The following ZMYND12 variants were observed in gnomAD, a reference collection of about 807,000 sequenced individuals.
The protein encoded by ZMYND12 is zinc finger MYND-type containing 12, also known as zinc finger MYND domain-containing protein 12.
Under a neutral mutation model 41.7 loss-of-function variants are expected in ZMYND12, and 32 were observed. The ratio of observed to expected loss-of-function variants is 0.77; its 90% CI spans 0.58 to 1.03. The LOEUF (loss-of-function observed/expected upper bound fraction) is 1.03, where lower values mean the gene tolerates loss of function less well. Ranked by LOEUF, ZMYND12 falls within the 50% of genes least tolerant of loss-of-function variation. The probability of loss-of-function intolerance (pLI) is 0.00; values close to 1 mark genes in which losing one functional copy is unlikely to be tolerated. For missense variants in ZMYND12, 424 were observed against 438.5 expected (o/e 0.97, Z 0.30); for synonymous variants, 148 against 164.8 (o/e 0.90, Z 0.78).
rs1269618030 is a variant in ZMYND12, at chr1:42,440,025, C to G, written c.425G>C (p.Gly142Ala). ...AYLLLAEASL[G>A]LGRIVQAEEY... ...TTCAGCCTGAACGATTCGGCCCAGA[C>G]CTGCCCAAAAGCAGAAAAGAAGGTT... The change falls in exon 4 of 8, where the codon GGT becomes GCT. Residue 142 changes from glycine to alanine, a missense_variant and splice_region_variant. Physicochemically the swap from Gly to Ala is moderately conservative, Grantham distance 60. Transcript: ENST00000372565. 1.3e-5 allele frequency: 21 copies of G among 1,595,444 alleles called. No individual in the cohort carries two copies. The highest frequency in any genetic ancestry group is 1.7e-5 in the Non-Finnish European group (20 of 1,174,148).
At chr1:42,430,925 T>C (rs1642842271) in intron 7 of ZMYND12, 67 bp from the exon 8 acceptor site, 9 of 1,593,844 alleles carry the variant, frequency 5.6e-6, no homozygotes, top group Non-Finnish European at 7.7e-6. Flanking sequence ...AAGCCCCATC[T>C]GTGCTCAACT....
intron 1 of ZMYND12, 23 bp from the exon 2 acceptor site, chr1:42,450,082 T>C (rs11210647): frequency 0.38 from 607,814 of 1,608,350 alleles, 118,560 homozygotes; most frequent in East Asian, 0.54. Context: ...ACATAGACTT[T>C]ATGATCTTTA....
intron 7 of ZMYND12, among the ~76,000 whole-genome samples, chr1:42,432,371 T>C (rs765407286): frequency 6.6e-6 from 1 of 152,158 alleles, no homozygotes; most frequent in Non-Finnish European, 1.5e-5. Flanking sequence ...TAGTTTTCTT[T>C]ATAACAGTTT....
At chr1:42,446,378 C>A (rs994158580) in intron 3 of ZMYND12, among the ~76,000 whole-genome samples, 3 of 152,070 alleles carry the variant, frequency 2.0e-5, no homozygotes, top group African/African-American at 7.2e-5. Flanking sequence ...TAGATACAGG[C>A]CAGACACGGT....
intron 7 of ZMYND12, among the ~76,000 whole-genome samples, chr1:42,431,720 C>T (rs138452120): frequency 5.3e-4 from 81 of 152,244 alleles, no homozygotes; most frequent in African/African-American, 1.9e-3. Flanking sequence ...AGGTTTTGTC[C>T]AATGTAAATT....
chr1:42,432,925 G>C, intron 7 of ZMYND12: 1 of 536,378 alleles, frequency 1.9e-6, no homozygotes, highest in Non-Finnish European at 3.2e-6. Context: ...CTTTATCTAT[G>C]CAAGACTGGG....
At chr1:42,441,660 G>A (rs971710698) in intron 3 of ZMYND12, among the ~76,000 whole-genome samples, 8 of 151,624 alleles carry the variant, frequency 5.3e-5, no homozygotes, top group South Asian at 2.1e-4. Context: ...TTGCTCTGTC[G>A]CCCAGGCTGG....
intron 6 of ZMYND12, among the ~76,000 whole-genome samples, chr1:42,434,926 C>T (rs1449085175): frequency 2.0e-5 from 3 of 152,166 alleles, no homozygotes; most frequent in East Asian, 1.9e-4. Context: ...TTCCATGAAA[C>T]GGGTCCCTGG....
chr1:42,438,231 T>C (rs1642928717), intron 4 of ZMYND12, among the ~76,000 whole-genome samples: 1 of 152,200 alleles, frequency 6.6e-6, no homozygotes, highest in Non-Finnish European at 1.5e-5. Flanking sequence ...CAGGTGGAAC[T>C]AGATGGCACC....
Position 42,436,422 on chromosome 1 carries a change from T to G in ZMYND12, c.716A>C (p.Lys239Thr), listed in dbSNP as rs369265359. ...CAGCTCCCACATTCCCCAGCTCACC[T>G]TGGTGTACAATGTGTCTGCCAGGTC... ...KLDLADTLYT[K>T]VSEIWHAYLN... Residue 239 changes from lysine to threonine, a missense_variant and splice_region_variant, in exon 5 of 8, where the codon AAG becomes ACG. Physicochemically the swap from Lys to Thr is moderately conservative, Grantham distance 78. Transcript: ENST00000372565. 7 of 1,613,104 alleles carry G rather than the reference T, an allele frequency of 4.3e-6. No homozygotes were observed. The highest frequency in any genetic ancestry group is 5.9e-6 in the Non-Finnish European group (7 of 1,179,226).
chr1:42,455,783 T>G (rs907574568), intron 1 of ZMYND12, 105 bp downstream of exon 1: 53 of 829,706 alleles, frequency 6.4e-5, no homozygotes, highest in Non-Finnish European at 8.5e-5. Context: ...GAGGTGTCCC[T>G]TGCAGAGTCA....
chr1:42,439,598 G>A (rs986855336), intron 4 of ZMYND12, among the ~76,000 whole-genome samples: 6 of 152,136 alleles, frequency 3.9e-5, no homozygotes, highest in Admixed American at 3.3e-4. Context: ...ATGCTGTTTT[G>A]CCTCCCTTTA....
rs372690869 is a variant in ZMYND12, at chr1:42,448,544, C to T, written c.347G>A (p.Arg116His). 1.7e-5 allele frequency: 27 copies of T among 1,613,840 alleles called. No homozygotes were observed. Among genetic ancestry groups the T allele is most frequent in the Non-Finnish European group, 1.9e-5 (23 of 1,179,864 alleles). ...DAVPAALQSL[R>H]FRVKLYGLSS... ...CAGGCCATACAGCTTCACACGGAAGCGAAGGGACTGCAAAGCTGCTGGTAC... is the reference window on the plus strand; with the variant it reads ...CAGGCCATACAGCTTCACACGGAAGTGAAGGGACTGCAAAGCTGCTGGTAC... Residue 116 changes from arginine to histidine, a missense_variant, in exon 3 of 8, where the codon CGC becomes CAC. Physicochemically the swap from Arg to His is conservative, Grantham distance 29. Transcript: ENST00000372565.
intron 1 of ZMYND12, among the ~76,000 whole-genome samples, chr1:42,455,309 G>A (rs1643147231): frequency 6.6e-6 from 1 of 152,132 alleles, no homozygotes; most frequent in Non-Finnish European, 1.5e-5. Context: ...TCTCACTCTC[G>A]TTGCCCAAGC....
intron 3 of ZMYND12, among the ~76,000 whole-genome samples, chr1:42,444,390 C>A (rs987584475): frequency 3.9e-5 from 6 of 152,192 alleles, no homozygotes; most frequent in African/African-American, 4.8e-5. Flanking sequence ...AACATGTGCA[C>A]AGGAAAGTGA....
intron 3 of ZMYND12, among the ~76,000 whole-genome samples, chr1:42,444,153 A>G (rs1642998275): frequency 6.6e-6 from 1 of 152,156 alleles, no homozygotes; most frequent in Non-Finnish European, 1.5e-5. Context: ...GGGAGTCACC[A>G]TGCCTGGCCA....
intron 3 of ZMYND12, among the ~76,000 whole-genome samples, chr1:42,442,174 G>A (rs1394929579): frequency 6.6e-6 from 1 of 152,136 alleles, no homozygotes; most frequent in Non-Finnish European, 1.5e-5. Flanking sequence ...ATAAAAACTA[G>A]AGGATTTTCA....
Position 42,453,819 on chromosome 1 carries a change from G to A in ZMYND12, c.110+2069C>T, listed in dbSNP as rs116827263. Among the ~76,000 whole-genome samples the A allele has an allele frequency of 7.0e-3, 1,070 of 152,268 alleles. 16 individuals carry two copies. Among genetic ancestry groups the A allele is most frequent in the African/African-American group, 0.024 (1,008 of 41,534 alleles). ...ATCTGATGCCCGTCATCTTTTCCCC[G>A]TGTTCCTTGCCCAAGTTAATGGGTT... On this transcript the variant is annotated intron_variant, in intron 1 of 7. Coordinates refer to ENST00000372565, the MANE Select transcript of ZMYND12 (RefSeq NM_032257.5).
rs748394150 is a variant in ZMYND12 at position 42,449,857 on chromosome 1, C to G, written c.252+61G>C. On this transcript the variant is annotated intron_variant, in intron 2 of 7. Transcript: ENST00000372565. ...TTAGTGATCCCAACACAGTTCGAGC[C>G]TTGTCTTGGGCAGCTTCACCGCACC... 325 of 1,590,972 alleles carry G rather than the reference C, an allele frequency of 2.0e-4. 1 individual carries two copies. Among genetic ancestry groups the G allele is most frequent in the Non-Finnish European group, 2.7e-4 (319 of 1,172,842 alleles).
Sources: allele counts gnomAD v4.1 joint callset (sites outside exome capture counted in the v4.1 genomes callset), GRCh38; gene constraint gnomAD v4.1.1; transcripts MANE v1.5; gene names NCBI Gene and HGNC (gene_info 2026-07-23, HGNC 2026-07-21).